TNR: variants seen among roughly 807,000 people sequenced by gnomAD.
TNR encodes tenascin-R.
A neutral mutation model predicts 150.4 loss-of-function variants in TNR; 45 were observed. The observed-to-expected ratio is 0.30, with a 90% CI of 0.24 to 0.38. The LOEUF (loss-of-function observed/expected upper bound fraction) is 0.38, where lower values mean the gene tolerates loss of function less well. TNR is among the 10% of genes least tolerant of loss of function. The pLI is 1.00. For synonymous variants in TNR, 687 were observed against 678.4 expected (o/e 1.01, Z -0.20); for missense variants, 1,544 against 1,759.1 (o/e 0.88, Z 2.19).
At chr1:175,670,570 G>A (rs2101902627) in intron 1 of TNR, among the ~76,000 whole-genome samples, 1 of 152,272 alleles carries the variant, frequency 6.6e-6, no homozygotes, top group African/African-American at 2.4e-5. Flanking sequence ...GCTCCACACG[G>A]GAACACAAAG....
chr1:175,479,285 T>C (rs1315643354), intron 2 of TNR, among the ~76,000 whole-genome samples: 3 of 152,176 alleles, frequency 2.0e-5, no homozygotes, highest in South Asian at 4.2e-4. Flanking sequence ...CTTGAGCAAT[T>C]TGGGACAACT....
At chr1:175,448,499 T>G (rs1425470008) in intron 2 of TNR, among the ~76,000 whole-genome samples, 2 of 152,168 alleles carry the variant, frequency 1.3e-5, no homozygotes, top group African/African-American at 4.8e-5. Context: ...CATGAGCCGC[T>G]GTGCCCGGCG....
chr1:175,472,631 T>A (rs775269569), intron 2 of TNR, among the ~76,000 whole-genome samples: 2 of 152,192 alleles, frequency 1.3e-5, no homozygotes, highest in Non-Finnish European at 2.9e-5. Flanking sequence ...GGGACCACTG[T>A]CATATATGCA....
At chr1:175,431,997 G>C (rs1297115678) in intron 2 of TNR, among the ~76,000 whole-genome samples, 1 of 148,442 alleles carries the variant, frequency 6.7e-6, no homozygotes, top group Admixed American at 6.7e-5. Context: ...TCCAAGGCTT[G>C]AGACCTTGTT....
At chr1:175,550,663 C>G (rs903052913) in intron 1 of TNR, among the ~76,000 whole-genome samples, 1 of 151,786 alleles carries the variant, frequency 6.6e-6, no homozygotes, top group Admixed American at 6.6e-5. Flanking sequence ...CTTTTTGTAC[C>G]TCTTTTATAC....
At chr1:175,377,152 C>G (rs1191413445) in intron 9 of TNR, among the ~76,000 whole-genome samples, 8 of 152,078 alleles carry the variant, frequency 5.3e-5, no homozygotes, top group African/African-American at 1.7e-4. Flanking sequence ...GTTTCCTCAT[C>G]TGTAAAATGG....
intron 1 of TNR, among the ~76,000 whole-genome samples, chr1:175,558,769 A>T (rs1410885087): frequency 6.6e-6 from 1 of 152,134 alleles, no homozygotes; most frequent in African/African-American, 2.4e-5. Flanking sequence ...CTACTTAAAA[A>T]CTCAGTATGG....
chr1:175,547,589 GAA>G (rs766686333), intron 1 of TNR, among the ~76,000 whole-genome samples: 114 of 25,008 alleles, frequency 4.6e-3, no homozygotes, highest in Middle Eastern at 0.015. Context: ...AAGAAAGAAA[GAA>G]AGAAAGAAAG....
At chr1:175,633,735 GAA>G (rs1440718213) in intron 1 of TNR, among the ~76,000 whole-genome samples, 2 of 152,156 alleles carry the variant, frequency 1.3e-5, no homozygotes, top group Admixed American at 1.3e-4. Flanking sequence ...GAGAAGAAGA[GAA>G]AGAGTGAGAT....
intron 2 of TNR, among the ~76,000 whole-genome samples, chr1:175,438,005 G>C (rs1382288874): frequency 1.3e-5 from 2 of 152,106 alleles, no homozygotes. Context: ...AGAAAAAGAG[G>C]GAATCCGCCC....
chr1:175,624,203 C>T (rs1412902807), intron 1 of TNR, among the ~76,000 whole-genome samples: 1 of 152,134 alleles, frequency 6.6e-6, no homozygotes, highest in Non-Finnish European at 1.5e-5. Flanking sequence ...TTTTGGTACA[C>T]CCAGGCTCAT....
chr1:175,379,541 G>A lies in TNR; in HGVS notation c.1963+11C>T. ...CAACCAGCATAACCCCAAGAGATAG[G>A]TCTTACTCACCTGTCAGGGTGGCCC... is the stretch of plus-strand genomic sequence containing the variant. On this transcript the variant is annotated intron_variant, in intron 9 of 22. Transcript: ENST00000367674. 1 of 1,611,198 alleles carries A rather than the reference G, an allele frequency of 6.2e-7. No individual in the cohort carries two copies. Among genetic ancestry groups the A allele is most frequent in the East Asian group, 2.2e-5 (1 of 44,868 alleles).
chr1:175,375,308 G>A (rs1652323180), intron 9 of TNR, among the ~76,000 whole-genome samples: 1 of 151,956 alleles, frequency 6.6e-6, no homozygotes, highest in Non-Finnish European at 1.5e-5. Context: ...TGGTGCACAG[G>A]CCAAACAGAC....
rs550868371 is a variant in TNR, at chr1:175,706,919, T to C, written c.-165+36307A>G. Reference sequence around the variant, plus strand: ...CCATGTGTCCTGGAGGTCCTGGAGATAAGGCCTGACTGGGATTCTTACCCC... The same window carrying C: ...CCATGTGTCCTGGAGGTCCTGGAGACAAGGCCTGACTGGGATTCTTACCCC... On this transcript the variant is annotated intron_variant, in intron 1 of 22. Coordinates refer to ENST00000367674, the MANE Select transcript of TNR (RefSeq NM_003285.3). Among the ~76,000 whole-genome samples the C allele has an allele frequency of 2.4e-4, 36 of 152,262 alleles. No homozygotes were observed. The South Asian group carries it at 4.6e-3, about 19-fold the overall frequency.
chr1:175,361,533 A>G (rs1221596184), intron 14 of TNR, among the ~76,000 whole-genome samples: 4 of 152,222 alleles, frequency 2.6e-5, no homozygotes, highest in Non-Finnish European at 5.9e-5. Context: ...TGTCTTTAGA[A>G]GAATAATTTT....
intron 1 of TNR, among the ~76,000 whole-genome samples, chr1:175,704,992 A>G (rs548544978): frequency 2.6e-5 from 4 of 152,258 alleles, no homozygotes; most frequent in Non-Finnish European, 4.4e-5. Context: ...ACAGAGATGC[A>G]AAGAAGATAA....
intron 2 of TNR, among the ~76,000 whole-genome samples, chr1:175,421,086 G>A (rs1212941859): frequency 1.3e-5 from 2 of 151,980 alleles, no homozygotes; most frequent in African/African-American, 4.8e-5. Flanking sequence ...TGGGGGTGTG[G>A]GAGCTCACCA....
At position 175,465,648 on chromosome 1, in the gene TNR, G is replaced by A. The variant is rs185156477; in HGVS notation, c.-63-58871C>T. 3.9e-5 allele frequency among the ~76,000 whole-genome samples: 6 copies of A among 152,280 alleles called. No individual in the cohort carries two copies. In the East Asian group the frequency reaches 1.2e-3, roughly 29 times the overall value. ...CCAGAAATATATGTGGAAGGAAGATGGAAAGGAAAGGAGGAAGGAACAGAG... is the reference window on the plus strand; with the variant it reads ...CCAGAAATATATGTGGAAGGAAGATAGAAAGGAAAGGAGGAAGGAACAGAG... On this transcript the variant is annotated intron_variant, in intron 2 of 22. Transcript: ENST00000367674.
intron 1 of TNR, chr1:175,539,223 A>ACAAACAGT (rs1348737759): frequency 1.3e-5 from 2 of 152,398 alleles, no homozygotes; most frequent in African/African-American, 4.8e-5. Flanking sequence ...GAAAAAAGAA[A>ACAAACAGT]CAAACAGTAA....
Sources: gnomAD v4.1 joint callset for allele counts (sites outside exome capture counted in the v4.1 genomes callset) on GRCh38, gnomAD v4.1.1 for gene constraint, MANE v1.5 for transcripts, NCBI Gene and HGNC (gene_info 2026-07-23, HGNC 2026-07-21) for gene names.